NEO1: variants seen among roughly 807,000 people sequenced by gnomAD.
NEO1 encodes the protein neogenin.
Under a neutral mutation model 159.7 loss-of-function variants are expected in NEO1, and 63 were observed. The ratio of observed to expected loss-of-function variants is 0.39; its 90% CI spans 0.32 to 0.49. The LOEUF (loss-of-function observed/expected upper bound fraction) is 0.49, where lower values mean the gene tolerates loss of function less well. NEO1 is among the 20% of genes least tolerant of loss of function. The pLI is 0.85. For missense variants in NEO1, 1,615 were observed against 1,831.0 expected, an observed-to-expected ratio of 0.88 and a Z score of 2.15; for synonymous variants, 633 against 662.0, an observed-to-expected ratio of 0.96 and a Z score of 0.67.
chr15:73,211,306 C>T (rs1409463859), intron 7 of NEO1, among the ~76,000 whole-genome samples: 2 of 152,176 alleles, frequency 1.3e-5, no homozygotes, highest in Non-Finnish European at 2.9e-5. Context: ...AATTGCCCTC[C>T]CAGCTTTCCG....
At position 73,215,848 on chromosome 15, in the gene NEO1, A is replaced by G. The variant is rs140690509; in HGVS notation, c.1292-20499A>G. Among the ~76,000 whole-genome samples the G allele has an allele frequency of 8.6e-3, 1,305 of 152,266 alleles. 22 individuals carry two copies. The highest frequency in any genetic ancestry group is 0.03 in the African/African-American group (1,232 of 41,546). On this transcript the variant is annotated intron_variant, in intron 7 of 28. Coordinates refer to ENST00000261908, the MANE Select transcript of NEO1 (RefSeq NM_002499.4). ...TTCTCAATATTGTGGAATAGTGTCAAAAGGATTGGTACCAATTCTTCTTTG... is the reference window on the plus strand; with the variant it reads ...TTCTCAATATTGTGGAATAGTGTCAGAAGGATTGGTACCAATTCTTCTTTG...
Position 73,270,173 on chromosome 15 carries a change from A to G in NEO1, c.2658A>G (p.Thr886=). Residue 886 remains threonine, a synonymous_variant, in exon 17 of 29, where the codon ACA becomes ACG. Coordinates refer to ENST00000261908, the MANE Select transcript of NEO1 (RefSeq NM_002499.4). ...DNSLPKHQKI[T]DSRYYTVRWK... ...CGCTGCCCAAGCACCAGAAGATTAC[A>G]GACTCCCGATACTACACCGTCCGAT... The G allele has an allele frequency of 6.2e-7, 1 of 1,614,096 alleles. No individual in the cohort carries two copies. The highest frequency in any genetic ancestry group is 8.5e-7 in the Non-Finnish European group (1 of 1,180,006).
intron 7 of NEO1, among the ~76,000 whole-genome samples, chr15:73,199,035 T>G (rs2036702401): frequency 6.7e-6 from 1 of 148,374 alleles, no homozygotes; most frequent in South Asian, 2.2e-4. Context: ...GGATCCTATC[T>G]AGGATGCCAT....
intron 18 of NEO1, 68 bp downstream of exon 18, chr15:73,270,522 A>C: frequency 6.7e-7 from 1 of 1,497,932 alleles, no homozygotes; most frequent in South Asian, 1.3e-5. Flanking sequence ...GAGTGCCTGA[A>C]TTGACATATT....
intron 1 of NEO1, among the ~76,000 whole-genome samples, chr15:73,069,122 TG>T (rs1297189662): frequency 7.9e-6 from 1 of 126,232 alleles, no homozygotes; most frequent in East Asian, 2.1e-4. Context: ...GGCTAATTTT[TG>T]TATTTTTTTT....
chr15:73,223,210 A>T (rs928062911), intron 7 of NEO1, among the ~76,000 whole-genome samples: 2 of 152,222 alleles, frequency 1.3e-5, no homozygotes, highest in African/African-American at 2.4e-5. Flanking sequence ...TTTATGGCCT[A>T]TCATGGAGAA....
chr15:73,258,935 T>G, intron 14 of NEO1, 59 bp downstream of exon 14: 2 of 1,440,164 alleles, frequency 1.4e-6, no homozygotes. Flanking sequence ...GTCAAATGAG[T>G]CAAACTGGAA....
At chr15:73,179,488 AC>A (rs1408082349) in intron 7 of NEO1, among the ~76,000 whole-genome samples, 1 of 152,172 alleles carries the variant, frequency 6.6e-6, no homozygotes, top group Non-Finnish European at 1.5e-5. Flanking sequence ...CTACAAAACC[AC>A]CCAGTGGATC....
Position 73,101,584 on chromosome 15 carries a change from A to G in NEO1, c.131-14956A>G, listed in dbSNP as rs534214119. On this transcript the variant is annotated intron_variant, in intron 1 of 28. Transcript: ENST00000261908. Reference sequence around the variant, plus strand: ...CCCCACCATGTGCTGAGGCCTGGAAATGGTCTACAGGCTGTAAAATGGTAT... The same window carrying G: ...CCCCACCATGTGCTGAGGCCTGGAAGTGGTCTACAGGCTGTAAAATGGTAT... Among the ~76,000 whole-genome samples, 6 of 152,304 alleles carry G rather than the reference A, an allele frequency of 3.9e-5. No homozygotes were observed. The East Asian group carries it at 1.2e-3, about 29-fold the overall frequency.
intron 11 of NEO1, 25 bp from the exon 12 acceptor site, chr15:73,253,372 AATT>A (rs777610331): frequency 1.1e-4 from 156 of 1,385,506 alleles, no homozygotes; most frequent in South Asian, 3.8e-4. Flanking sequence ...TTAAAAAAAA[AATT>A]TTTTTTTTTT....
intron 7 of NEO1, among the ~76,000 whole-genome samples, chr15:73,231,577 A>G (rs2038913215): frequency 6.6e-6 from 1 of 152,188 alleles, no homozygotes; most frequent in Non-Finnish European, 1.5e-5. Flanking sequence ...TACTAAAAGT[A>G]CAAAAAATTA....
rs1265794595 is a variant in NEO1, at chr15:73,052,493, G to T, written c.-183G>T. The stretch of plus-strand genomic sequence containing the variant: ...CCCCGCCCCCTTGCAGGAGGGAGGC[G>T]CCCTGGAGTCTCCCCTCCAGCGAGA... On this transcript the variant is annotated 5_prime_UTR_variant, in exon 1 of 29. Transcript: ENST00000261908. The T allele has an allele frequency of 2.9e-5, 6 of 206,554 alleles. No homozygotes were observed. The South Asian group carries it at 1.1e-3, about 36-fold the overall frequency. The allele number at this position is 206,554 out of a possible 1,614,324, so 12.8% of individuals were successfully genotyped here.
chr15:73,152,084 C>A (rs1338818197), intron 5 of NEO1, among the ~76,000 whole-genome samples: 1 of 152,162 alleles, frequency 6.6e-6, no homozygotes, highest in Non-Finnish European at 1.5e-5. Context: ...TACATAAATA[C>A]ATGTATGTGT....
intron 7 of NEO1, among the ~76,000 whole-genome samples, chr15:73,193,790 C>T (rs890315281): frequency 6.6e-6 from 1 of 151,668 alleles, no homozygotes; most frequent in African/African-American, 2.4e-5. Context: ...ATAATGCAAG[C>T]TGTGCTGAAT....
intron 2 of NEO1, among the ~76,000 whole-genome samples, chr15:73,119,512 G>A (rs1396499860): frequency 6.6e-6 from 1 of 152,204 alleles, no homozygotes; most frequent in African/African-American, 2.4e-5. Flanking sequence ...CTGGCTGTGA[G>A]TATTTTGTGC....
At chr15:73,103,623 C>G (rs1303535076) in intron 1 of NEO1, among the ~76,000 whole-genome samples, 1 of 152,100 alleles carries the variant, frequency 6.6e-6, no homozygotes, top group Non-Finnish European at 1.5e-5. Flanking sequence ...TTGTATATGT[C>G]CTCCACTATA....
At chr15:73,088,744 G>A (rs750464147) in intron 1 of NEO1, among the ~76,000 whole-genome samples, 2 of 151,978 alleles carry the variant, frequency 1.3e-5, no homozygotes, top group Non-Finnish European at 2.9e-5. Context: ...TGAAGGCTAG[G>A]ATTAAAGGAG....
At chr15:73,213,077 G>A (rs2037672655) in intron 7 of NEO1, among the ~76,000 whole-genome samples, 1 of 152,084 alleles carries the variant, frequency 6.6e-6, no homozygotes, top group Admixed American at 6.6e-5. Context: ...GTATACTTCT[G>A]TACCATATGT....
chr15:73,211,419 G>A (rs947718873), intron 7 of NEO1, among the ~76,000 whole-genome samples: 1 of 152,150 alleles, frequency 6.6e-6, no homozygotes, highest in African/African-American at 2.4e-5. Context: ...GAGTTTAGGT[G>A]TAGAAAAGTA....
Sources: allele counts gnomAD v4.1 joint callset (sites outside exome capture counted in the v4.1 genomes callset), GRCh38; gene constraint gnomAD v4.1.1; transcripts MANE v1.5; gene names NCBI Gene and HGNC (gene_info 2026-07-23, HGNC 2026-07-21).